The following GOLIM4 variants were observed in gnomAD, a reference collection of about 807,000 sequenced individuals.
GOLIM4 encodes the protein golgi integral membrane protein 4.
GOLIM4 carries 71 observed loss-of-function variants against 107.4 expected under a neutral mutation model. The observed-to-expected ratio is 0.66, with a 90% CI of 0.55 to 0.81. The LOEUF (loss-of-function observed/expected upper bound fraction) is 0.81. GOLIM4 is among the 30% of genes least tolerant of loss of function. The pLI, the probability that GOLIM4 is intolerant of heterozygous loss-of-function variation, is 0.00. For synonymous variants in GOLIM4, 327 were observed against 294.8 expected (o/e 1.11, Z -1.12); for missense variants, 830 against 826.1 (o/e 1.00, Z -0.06).
At position 168,048,294 on chromosome 3, in the gene GOLIM4, C is replaced by T; in HGVS notation, c.259G>A (p.Glu87Lys). Reference sequence around the variant, plus strand: ...CACAAATTATGTATTTACTTACCTTCCTTTGCTTTTTTATGTTCAAGTCTT... The same window carrying T: ...CACAAATTATGTATTTACTTACCTTTCTTTGCTTTTTTATGTTCAAGTCTT... ...KERLEHKKAK[E>K]DFLVYKLEAQ... Residue 87 changes from glutamate to lysine, a missense_variant, in exon 2 of 16, where the codon GAA becomes AAA. Coordinates refer to ENST00000470487, the MANE Select transcript of GOLIM4 (RefSeq NM_014498.5). 7.0e-7 allele frequency: 1 copy of T among 1,435,198 alleles called. No homozygotes were observed. The highest frequency in any genetic ancestry group is 9.7e-7 in the Non-Finnish European group (1 of 1,028,854). The allele number at this position is 1,435,198 out of a possible 1,614,324, so 88.9% of individuals were successfully genotyped here.
Position 168,027,825 on chromosome 3 carries a change from T to C in GOLIM4, c.1526A>G (p.Asp509Gly). The C allele has an allele frequency of 6.2e-7, 1 of 1,607,910 alleles. No homozygotes were observed. The highest frequency in any genetic ancestry group is 2.2e-5 in the East Asian group (1 of 44,834). ...TTCTGCTTCATCTTGGTGCTGGTTG[T>C]CTCTTTCATAGGCTAGCAAATCAAA... ...IQGEEGAYERDNQHQDEAEGD... is the reference protein window; with the variant it reads ...IQGEEGAYERGNQHQDEAEGD... Residue 509 changes from aspartate to glycine, a missense_variant, in exon 12 of 16, where the codon GAC becomes GGC. Physicochemically the swap from Asp to Gly is moderately conservative, Grantham distance 94. Transcript: ENST00000470487.
chr3:168,013,753 C>T (rs561507930), intron 14 of GOLIM4, among the ~76,000 whole-genome samples: 1 of 151,110 alleles, frequency 6.6e-6, no homozygotes, highest in Admixed American at 6.6e-5. Context: ...AACCGCTCAA[C>T]TACATGGAAA....
At chr3:168,078,932 GTTTCAGTTGT>G (rs1304794213) in intron 1 of GOLIM4, among the ~76,000 whole-genome samples, 1 of 133,022 alleles carries the variant, frequency 7.5e-6, no homozygotes, top group African/African-American at 3.0e-5. Context: ...GAACATTTAA[GTTTCAGTTGT>G]TTTTACTTTT....
chr3:168,011,716 C>G (rs1401950939), intron 14 of GOLIM4, among the ~76,000 whole-genome samples: 2 of 138,550 alleles, frequency 1.4e-5, no homozygotes, highest in African/African-American at 6.8e-5. Flanking sequence ...CAGACTGCCT[C>G]CTCAAGTGGG....
At chr3:168,084,219 C>A (rs1721508711) in intron 1 of GOLIM4, among the ~76,000 whole-genome samples, 1 of 152,172 alleles carries the variant, frequency 6.6e-6, no homozygotes, top group South Asian at 2.1e-4. Flanking sequence ...CTTGCTTCCC[C>A]TTTGCCCTCT....
In GOLIM4 at chr3:168,010,400, CATT is replaced by C. The variant is rs781588620; in HGVS notation, c.1957_1959del (p.Asn653del). On this transcript the variant is annotated inframe_deletion, in exon 16 of 16. Coordinates refer to ENST00000470487, the MANE Select transcript of GOLIM4 (RefSeq NM_014498.5). The stretch of plus-strand genomic sequence containing the variant: ...TCTCGAACTTCTTGCTCTTCTCCAT[CATT>C]ATTTTTATCATCAGTCTTAAAATTA... 6.2e-7 allele frequency: 1 copy of C among 1,605,618 alleles called. No individual in the cohort carries two copies. Among genetic ancestry groups the C allele is most frequent in the Admixed American group, 1.7e-5 (1 of 59,728 alleles).
At chr3:168,081,364 G>A (rs2108289151) in intron 1 of GOLIM4, among the ~76,000 whole-genome samples, 1 of 152,316 alleles carries the variant, frequency 6.6e-6, no homozygotes, top group Admixed American at 6.5e-5. Context: ...TTAGTAGCAT[G>A]AGCAGCCATC....
intron 1 of GOLIM4, among the ~76,000 whole-genome samples, chr3:168,049,437 T>C (rs1230698929): frequency 2.1e-5 from 3 of 145,810 alleles, no homozygotes; most frequent in Non-Finnish European, 3.0e-5. Flanking sequence ...CTCCACAAAA[T>C]GGTTTGAATA....
intron 1 of GOLIM4, among the ~76,000 whole-genome samples, chr3:168,059,310 C>A (rs1451720972): frequency 6.6e-6 from 1 of 152,190 alleles, no homozygotes; most frequent in African/African-American, 2.4e-5. Flanking sequence ...TTGGAATGCA[C>A]CTAACTACCA....
intron 1 of GOLIM4, among the ~76,000 whole-genome samples, chr3:168,074,608 C>G (rs1355039201): frequency 6.6e-6 from 1 of 152,104 alleles, no homozygotes; most frequent in African/African-American, 2.4e-5. Flanking sequence ...AGTAACATTA[C>G]TTAATTTATA....
At chr3:168,028,634 C>A (rs6761972) in intron 11 of GOLIM4, among the ~76,000 whole-genome samples, 1 of 152,046 alleles carries the variant, frequency 6.6e-6, no homozygotes, top group South Asian at 2.1e-4. Context: ...TGCCACATGG[C>A]GGACATAAGG....
In GOLIM4 at chr3:168,016,079, C is replaced by G. The variant is rs1463364081; in HGVS notation, c.1861-5256G>C. Among the ~76,000 whole-genome samples, 551 of 124,118 alleles carry G rather than the reference C, an allele frequency of 4.4e-3. 24 individuals carry two copies. Among genetic ancestry groups the G allele is most frequent in the African/African-American group, 0.023 (434 of 19,208 alleles). 81.4% of individuals were successfully genotyped at this position (124,118 alleles called of 152,430 possible). A position where few individuals can be genotyped will look rare whatever the true frequency, so the allele number is the denominator to read the frequency against. Reference sequence around the variant, plus strand: ...ACTAAAGAGCTTCTGCACAGCAAAACAAACTACCATCAGAGTGAACAGGAA... The same window carrying G: ...ACTAAAGAGCTTCTGCACAGCAAAAGAAACTACCATCAGAGTGAACAGGAA... On this transcript the variant is annotated intron_variant, in intron 14 of 15. Coordinates refer to ENST00000470487, the MANE Select transcript of GOLIM4 (RefSeq NM_014498.5).
At chr3:168,073,813 C>T (rs531066119) in intron 1 of GOLIM4, among the ~76,000 whole-genome samples, 1 of 152,242 alleles carries the variant, frequency 6.6e-6, no homozygotes, top group South Asian at 2.1e-4. Flanking sequence ...TTCTTAAAAG[C>T]AGCTGTGAGA....
intron 1 of GOLIM4, among the ~76,000 whole-genome samples, chr3:168,088,389 TA>T (rs1212586561): frequency 6.6e-6 from 1 of 152,202 alleles, no homozygotes; most frequent in African/African-American, 2.4e-5. Context: ...GGTCACCTAA[TA>T]AATGGTAGTA....
At chr3:168,064,888 C>G (rs1720463099) in intron 1 of GOLIM4, among the ~76,000 whole-genome samples, 1 of 151,488 alleles carries the variant, frequency 6.6e-6, no homozygotes, top group South Asian at 2.1e-4. Context: ...TCTTTTCAAC[C>G]TTATTCATAG....
chr3:168,081,674 T>A (rs781394125), intron 1 of GOLIM4, among the ~76,000 whole-genome samples: 13 of 152,146 alleles, frequency 8.5e-5, no homozygotes, highest in Non-Finnish European at 8.8e-5. Flanking sequence ...AAATTTAAAA[T>A]GGTAATAACA....
intron 14 of GOLIM4, among the ~76,000 whole-genome samples, chr3:168,023,532 G>A (rs185043442): frequency 7.2e-5 from 11 of 152,342 alleles, no homozygotes; most frequent in African/African-American, 2.4e-4. Flanking sequence ...GTGTGTGTGA[G>A]AGCACAGCTC....
rs761889516 is a variant in GOLIM4 at position 168,032,829 on chromosome 3, C to A, written c.867G>T (p.Trp289Cys). ...TTCCAGGAACTGCTTCATGGTTCTG[C>A]CACACATCATTATTTCGAGACACCT... ...VQEVSRNNDV[W>C]QNHEAVPGRA... Residue 289 changes from tryptophan (W) to cysteine (C), a missense_variant, in exon 9 of 16, where the codon TGG (tryptophan) becomes TGT (cysteine). Trp to Cys is a radical substitution (Grantham distance 215, BLOSUM62 -2). Coordinates refer to ENST00000470487, the MANE Select transcript of GOLIM4 (RefSeq NM_014498.5). The A allele has an allele frequency of 6.2e-7, 1 of 1,612,220 alleles. No individual in the cohort carries two copies. The highest frequency in any genetic ancestry group is 1.7e-5 in the Admixed American group (1 of 59,880).
At chr3:168,074,790 A>G (rs1339416694) in intron 1 of GOLIM4, among the ~76,000 whole-genome samples, 1 of 152,184 alleles carries the variant, frequency 6.6e-6, no homozygotes, top group Non-Finnish European at 1.5e-5. Context: ...AAGATCCTAG[A>G]TATGTATTTG....
Sources: gnomAD v4.1 joint callset for allele counts (sites outside exome capture counted in the v4.1 genomes callset) on GRCh38, gnomAD v4.1.1 for gene constraint, MANE v1.5 for transcripts, NCBI Gene and HGNC (gene_info 2026-07-23, HGNC 2026-07-21) for gene names.